CACNA1C: variants seen among roughly 807,000 people sequenced by gnomAD.
CACNA1C encodes the protein voltage-dependent L-type calcium channel subunit alpha-1C.
Under a neutral mutation model 229.0 loss-of-function variants are expected in CACNA1C, and 30 were observed. The ratio of observed to expected loss-of-function variants is 0.13; its 90% CI spans 0.10 to 0.18. CACNA1C has a LOEUF of 0.18. Among genes scored for constraint, CACNA1C ranks in the 10% least tolerant of loss-of-function variants. The pLI, the probability that CACNA1C is intolerant of heterozygous loss-of-function variation, is 1.00. For synonymous variants in CACNA1C, 1,114 were observed against 1,132.5 expected (o/e 0.98, Z 0.33); for missense variants, 1,658 against 2,845.0 (o/e 0.58, Z 9.49).
intron 3 of CACNA1C, among the ~76,000 whole-genome samples, chr12:2,220,202 C>A (rs1051631923): frequency 2.6e-5 from 4 of 152,166 alleles, no homozygotes; most frequent in African/African-American, 9.7e-5. Context: ...AATACTGACA[C>A]AATTCAAAGC....
At chr12:2,549,327 G>T (rs2154592052) in intron 9 of CACNA1C, among the ~76,000 whole-genome samples, 1 of 152,286 alleles carries the variant, frequency 6.6e-6, no homozygotes, top group South Asian at 2.1e-4. Context: ...CCTTATGTCT[G>T]CAGGGCTAGC....
intron 3 of CACNA1C, among the ~76,000 whole-genome samples, chr12:2,216,387 G>A (rs978266141): frequency 2.0e-5 from 3 of 152,126 alleles, no homozygotes; most frequent in Admixed American, 6.5e-5. Flanking sequence ...AAGCAGGCAC[G>A]CAGTCCACAA....
chr12:2,174,227 T>G (rs1404504203), intron 3 of CACNA1C, among the ~76,000 whole-genome samples: 7 of 152,176 alleles, frequency 4.6e-5, no homozygotes, highest in African/African-American at 1.7e-4. Context: ...ACTCTAGACA[T>G]CACCAGTGCC....
chr12:2,668,082 G>GGACAT (rs2096321618), intron 37 of CACNA1C, among the ~76,000 whole-genome samples: 2 of 152,198 alleles, frequency 1.3e-5, no homozygotes, highest in South Asian at 4.1e-4. Context: ...TACACAGAGA[G>GGACAT]GACATGTAGC....
intron 3 of CACNA1C, among the ~76,000 whole-genome samples, chr12:2,366,674 C>CT (rs1485554029): frequency 5.9e-5 from 9 of 152,150 alleles, no homozygotes. Context: ...AGTCCCCAAC[C>CT]TTTTTGGCAG....
Position 2,666,925 on chromosome 12 carries a change from T to C in CACNA1C, c.4623+143T>C. 1 of 656,028 alleles carries C rather than the reference T, an allele frequency of 1.5e-6. No homozygotes were observed. The highest frequency in any genetic ancestry group is 1.7e-5 in the South Asian group (1 of 57,578). 40.6% of individuals were successfully genotyped at this position (656,028 alleles called of 1,614,324 possible). A position where few individuals can be genotyped will look rare whatever the true frequency, so the allele number is the denominator to read the frequency against. ...TAAGGGTCCTTCCAGCTCTAAATTC[T>C]CAGACTCTATGAGGGAATAACAGAG... On this transcript the variant is annotated intron_variant, in intron 37 of 46. Coordinates refer to ENST00000399655, the MANE Select transcript of CACNA1C (RefSeq NM_000719.7). This position sits in a 1 kb window ranked among gnomAD's most constrained non-coding sequence, Gnocchi z 5.3.
intron 9 of CACNA1C, among the ~76,000 whole-genome samples, chr12:2,537,707 C>A (rs1334615715): frequency 1.3e-5 from 2 of 152,248 alleles, no homozygotes; most frequent in Non-Finnish European, 2.9e-5. Flanking sequence ...CAAAGGAGTG[C>A]TCTAGAGAAA....
chr12:2,178,952 C>T (rs1298362911), intron 3 of CACNA1C, among the ~76,000 whole-genome samples: 1 of 152,108 alleles, frequency 6.6e-6, no homozygotes, highest in Non-Finnish European at 1.5e-5. Flanking sequence ...GTCCCAGTTA[C>T]CCAGGAGGCT....
intron 3 of CACNA1C, among the ~76,000 whole-genome samples, chr12:2,389,550 TC>T (rs1348904385): frequency 6.6e-6 from 1 of 152,346 alleles, no homozygotes; most frequent in East Asian, 1.9e-4. Flanking sequence ...TTTAATGTGA[TC>T]AGTGCCAGAT....
At position 2,019,472 on chromosome 12, in the gene CACNA1C, A is replaced by G. The variant is rs560344119; in HGVS notation, c.139+48271A>G. ...AAGACCCTGTATCTAAAATAAACAT[A>G]ACAAAGAAAGAAAAGAAAGGGAGGG... On this transcript the variant is annotated intron_variant, in intron 1 of 46. Transcript: ENST00000682462. Among the ~76,000 whole-genome samples the G allele has an allele frequency of 4.7e-5, 7 of 149,358 alleles. No individual in the cohort carries two copies. The East Asian group carries it at 1.4e-3, about 30-fold the overall frequency.
At chr12:2,163,829 T>A (rs1319911963) in intron 3 of CACNA1C, among the ~76,000 whole-genome samples, 2 of 152,236 alleles carry the variant, frequency 1.3e-5, no homozygotes, top group Non-Finnish European at 2.9e-5. Context: ...AAGGGCTATT[T>A]GTGGCTGATC....
intron 3 of CACNA1C, among the ~76,000 whole-genome samples, chr12:2,429,844 C>T (rs1297708391): frequency 1.3e-5 from 2 of 152,214 alleles, no homozygotes. Flanking sequence ...TTTCCACAAG[C>T]TCATGAGTTC....
chr12:2,503,348 C>T (rs993363921), intron 7 of CACNA1C, among the ~76,000 whole-genome samples: 21 of 152,206 alleles, frequency 1.4e-4, no homozygotes, highest in Non-Finnish European at 2.5e-4. Flanking sequence ...GCTAGTTTCA[C>T]AAGGACAAAG....
chr12:2,292,269 A>ATGTC (rs2093589781), intron 3 of CACNA1C, among the ~76,000 whole-genome samples: 1 of 152,260 alleles, frequency 6.6e-6, no homozygotes, highest in Non-Finnish European at 1.5e-5. Context: ...CCTAGTGGAC[A>ATGTC]GGTCCATCCT....
chr12:2,199,569 G>A (rs907918827), intron 3 of CACNA1C, among the ~76,000 whole-genome samples: 6 of 152,210 alleles, frequency 3.9e-5, no homozygotes, highest in South Asian at 2.1e-4. Context: ...TCAATAGTAG[G>A]CTATGAGTAG....
chr12:2,124,137 TGTG>T (rs1426195172), intron 3 of CACNA1C, among the ~76,000 whole-genome samples: 1 of 150,314 alleles, frequency 6.7e-6, no homozygotes, highest in Non-Finnish European at 1.5e-5. Context: ...TGTGTGTGTG[TGTG>T]TGTGTGTGTG....
intron 27 of CACNA1C, among the ~76,000 whole-genome samples, chr12:2,609,497 C>T (rs970146292): frequency 6.6e-6 from 1 of 150,722 alleles, no homozygotes; most frequent in Non-Finnish European, 1.5e-5. Context: ...GCTGTGTGGA[C>T]CCTGGATTGA....
At chr12:2,214,203 G>A (rs1012140464) in intron 3 of CACNA1C, among the ~76,000 whole-genome samples, 4 of 152,166 alleles carry the variant, frequency 2.6e-5, no homozygotes, top group Non-Finnish European at 4.4e-5. Flanking sequence ...CTAAAGCAGC[G>A]CATATCTGAA....
intron 18 of CACNA1C, among the ~76,000 whole-genome samples, chr12:2,589,990 T>C (rs141164437): frequency 6.6e-6 from 1 of 152,320 alleles, no homozygotes; most frequent in Non-Finnish European, 1.5e-5. Flanking sequence ...CCTGTGCTCC[T>C]TGTGCCCCAA....
Sources: allele counts gnomAD v4.1 joint callset (sites outside exome capture counted in the v4.1 genomes callset), GRCh38; gene constraint gnomAD v4.1.1; non-coding constraint Gnocchi (gnomAD v3.1); transcripts MANE v1.5; gene names NCBI Gene and HGNC (gene_info 2026-07-23, HGNC 2026-07-21).